The following ZNF697 variants were observed in gnomAD, a reference collection of about 807,000 sequenced individuals.
ZNF697 encodes zinc finger protein 697.
ZNF697 carries 23 observed loss-of-function variants against 32.4 expected under a neutral mutation model. That is an observed-to-expected ratio of 0.71 (90% confidence interval 0.51 to 1.01). The LOEUF (loss-of-function observed/expected upper bound fraction) is 1.01. Ranked by LOEUF, ZNF697 falls within the 50% of genes least tolerant of loss-of-function variation. The probability of loss-of-function intolerance (pLI) is 0.00; values close to 1 mark genes in which losing one functional copy is unlikely to be tolerated. For synonymous variants in ZNF697, 418 were observed against 337.2 expected, an observed-to-expected ratio of 1.24 and a Z score of -2.62; for missense variants, 930 against 794.0, an observed-to-expected ratio of 1.17 and a Z score of -2.06.
chr1:119,627,273 T>G (rs587738485), intron 1 of ZNF697, among the ~76,000 whole-genome samples: 1 of 152,286 alleles, frequency 6.6e-6, no homozygotes, highest in Admixed American at 6.5e-5. Context: ...TGTGGAGGCC[T>G]TCTCTGAGGT....
In ZNF697 at chr1:119,624,046, G is replaced by A. The variant is rs1648492349; in HGVS notation, c.297C>T (p.Asp99=). 2 of 1,612,160 alleles carry A rather than the reference G, an allele frequency of 1.2e-6. No individual in the cohort carries two copies. Among genetic ancestry groups the A allele is most frequent in the Admixed American group, 1.7e-5 (1 of 59,806 alleles). The change falls in exon 3 of 3, where the codon GAC becomes GAT. Residue 99 remains aspartate, a synonymous_variant. Transcript: ENST00000421812. ...CAGACAGTCCTGGGAACATCGCCAT[G>A]TCAGCTACACCGGATTGGTCATCCT... ...GEEDDQSGVA[D]MAMFPGLSES...
intron 1 of ZNF697, among the ~76,000 whole-genome samples, chr1:119,630,467 A>G (rs1557937949): frequency 1.3e-5 from 2 of 152,220 alleles, no homozygotes; most frequent in Non-Finnish European, 2.9e-5. Flanking sequence ...CCTGGTTTCT[A>G]GAACTTGTGA....
intron 1 of ZNF697, among the ~76,000 whole-genome samples, chr1:119,646,822 C>G (rs78017461): frequency 2.6e-3 from 403 of 152,294 alleles, no homozygotes; most frequent in African/African-American, 9.1e-3. Flanking sequence ...AACAGTCACA[C>G]TTGGACTGTA....
intron 1 of ZNF697, among the ~76,000 whole-genome samples, chr1:119,630,551 C>T (rs1648731784): frequency 6.6e-6 from 1 of 152,198 alleles, no homozygotes; most frequent in African/African-American, 2.4e-5. Flanking sequence ...GGAAAATGCT[C>T]AAGAGCCTTC....
chr1:119,623,321 G>A lies in ZNF697; in HGVS notation c.1022C>T (p.Ala341Val). 1.5e-6 allele frequency: 2 copies of A among 1,296,722 alleles called. No homozygotes were observed. Among genetic ancestry groups the A allele is most frequent in the Middle Eastern group, 2.3e-4 (1 of 4,312 alleles). The allele number at this position is 1,296,722 out of a possible 1,614,324, so 80.3% of individuals were successfully genotyped here. A position where few individuals can be genotyped will look rare whatever the true frequency, so the allele number is the denominator to read the frequency against. The change falls in exon 3 of 3, where the codon GCG becomes GTG. Residue 341 changes from alanine to valine, a missense_variant. By Grantham distance (64) the Ala-to-Val change is moderately conservative. Coordinates refer to ENST00000421812, the MANE Select transcript of ZNF697 (RefSeq NM_001080470.2). ...HLLSHRRAHA[A>V]ASGAGAAALR... is the part of the protein sequence containing the mutation. ...CGCCGCCGCCCCCGCGCCGCTGGCC[G>A]CCGCGTGCGCGCGCCGGTGGCTCAA...
At chr1:119,630,376 C>T (rs1000209155) in intron 1 of ZNF697, among the ~76,000 whole-genome samples, 1 of 152,236 alleles carries the variant, frequency 6.6e-6, no homozygotes, top group Admixed American at 6.5e-5. Flanking sequence ...AAACATTCCA[C>T]CACCACCATC....
In ZNF697 at chr1:119,639,715, C is replaced by CAA. The variant is rs779242670; in HGVS notation, c.-38+7974_-38+7975dup. 4.8e-3 allele frequency among the ~76,000 whole-genome samples: 526 copies of CAA among 110,512 alleles called. 4 individuals carry two copies. Among genetic ancestry groups the CAA allele is most frequent in the East Asian group, 0.045 (180 of 3,962 alleles). The allele number at this position is 110,512 out of a possible 152,430, so 72.5% of individuals were successfully genotyped here. A position where few individuals can be genotyped will look rare whatever the true frequency, so the allele number is the denominator to read the frequency against. On this transcript the variant is annotated intron_variant, in intron 1 of 2. Transcript: ENST00000421812. ...GCAGCAGGGCAAAACCCTGTCTCTC[C>CAA]AAAAAAAAAAAAAAAAGCCAGAAGT...
chr1:119,645,069 G>A (rs1649168002), intron 1 of ZNF697, among the ~76,000 whole-genome samples: 1 of 152,198 alleles, frequency 6.6e-6, no homozygotes, highest in East Asian at 1.9e-4. Context: ...TATTCTGCCT[G>A]AGAGTTTAAA....
intron 1 of ZNF697, among the ~76,000 whole-genome samples, chr1:119,647,477 C>T (rs942266472): frequency 2.4e-4 from 36 of 152,172 alleles, no homozygotes; most frequent in Non-Finnish European, 4.4e-4. Context: ...ATGGCAGCCC[C>T]AAAGCCGCTC....
rs1396855407 is a variant in ZNF697, at chr1:119,626,061, C to T, written c.40G>A (p.Asp14Asn). The change falls in exon 2 of 3, where the codon GAC (aspartate) becomes AAC (asparagine). Residue 14 changes from aspartate to asparagine, a missense_variant. Asp to Asn is a conservative substitution (Grantham distance 23). Transcript: ENST00000421812. ...GAACCCATCCCTTTGTCTTCTGAGT[C>T]CTGGTGTGCACAGACACCCTGATTA... ...EDNQGVCAHQ[D>N]SEDKGMGSDF... is the part of the protein sequence containing the mutation. The T allele has an allele frequency of 6.2e-7, 1 of 1,614,008 alleles. No individual in the cohort carries two copies. The highest frequency in any genetic ancestry group is 1.7e-5 in the Admixed American group (1 of 60,026).
At chr1:119,634,003 G>A (rs587719660) in intron 1 of ZNF697, among the ~76,000 whole-genome samples, 44 of 152,294 alleles carry the variant, frequency 2.9e-4, no homozygotes, top group Non-Finnish European at 4.7e-4. Flanking sequence ...AAGGACAAAA[G>A]AGAAAACAGG....
At chr1:119,631,003 T>C (rs890675705) in intron 1 of ZNF697, among the ~76,000 whole-genome samples, 8 of 152,260 alleles carry the variant, frequency 5.3e-5, no homozygotes, top group African/African-American at 1.9e-4. Flanking sequence ...TGGGGCTACC[T>C]GTGAAATCTA....
chr1:119,629,880 C>T (rs1054130304), intron 1 of ZNF697, among the ~76,000 whole-genome samples: 3 of 152,164 alleles, frequency 2.0e-5, no homozygotes, highest in African/African-American at 7.2e-5. Context: ...TGACTAGTTG[C>T]TGAAGGGAGC....
At chr1:119,640,828 C>T (rs371911408) in intron 1 of ZNF697, among the ~76,000 whole-genome samples, 36 of 152,262 alleles carry the variant, frequency 2.4e-4, no homozygotes, top group African/African-American at 7.9e-4. Context: ...ATTCAAATAC[C>T]GGGGAGATTT....
intron 1 of ZNF697, among the ~76,000 whole-genome samples, chr1:119,627,075 G>A (rs891892218): frequency 1.4e-4 from 22 of 152,178 alleles, no homozygotes; most frequent in Non-Finnish European, 3.1e-4. Flanking sequence ...GAGCAGTTGA[G>A]CCAAAAATAA....
chr1:119,643,134 A>C (rs1054988247), intron 1 of ZNF697, among the ~76,000 whole-genome samples: 4 of 152,250 alleles, frequency 2.6e-5, no homozygotes, highest in African/African-American at 9.6e-5. Flanking sequence ...ACTTCTCAGA[A>C]GACCATGTAT....
intron 1 of ZNF697, among the ~76,000 whole-genome samples, chr1:119,630,063 A>C (rs1648716964): frequency 1.3e-5 from 2 of 152,252 alleles, no homozygotes; most frequent in Admixed American, 6.5e-5. Flanking sequence ...AAGAAGGAAT[A>C]GAAGTTTAAG....
intron 1 of ZNF697, among the ~76,000 whole-genome samples, chr1:119,631,810 C>T (rs587769628): frequency 1.8e-4 from 28 of 152,286 alleles, no homozygotes; most frequent in African/African-American, 6.0e-4. Context: ...TCTCGAGGGT[C>T]CCTTCCCTAC....
rs1426993732 is a variant in ZNF697, at chr1:119,623,829, C to T, written c.514G>A (p.Val172Met). The change falls in exon 3 of 3, where the codon GTG (valine) becomes ATG (methionine). Residue 172 changes from valine (V) to methionine (M), a missense_variant. Transcript: ENST00000421812. The stretch of plus-strand genomic sequence containing the variant: ...AGGCTATCCAGCTCCCCGAGGTCCA[C>T]GGCCATGGGGTGGTGGAGCCGGTGG... ...RFHRLHHPMA[V>M]DLGELDSLVA... 6 of 1,547,386 alleles carry T rather than the reference C, an allele frequency of 3.9e-6. No individual in the cohort carries two copies. Among genetic ancestry groups the T allele is most frequent in the South Asian group, 1.2e-5 (1 of 83,082 alleles).
Sources: allele counts gnomAD v4.1 joint callset (sites outside exome capture counted in the v4.1 genomes callset), GRCh38; gene constraint gnomAD v4.1.1; transcripts MANE v1.5; gene names NCBI Gene and HGNC (gene_info 2026-07-23, HGNC 2026-07-21).